Variants in CNTNAP4 observed in about 807,000 individuals in gnomAD.
CNTNAP4 encodes contactin associated protein family member 4, also known as contactin-associated protein-like 4.
In CNTNAP4, 98 loss-of-function variants were observed where a neutral mutation model predicts 148.4. The ratio of observed to expected loss-of-function variants is 0.66; its 90% CI spans 0.56 to 0.78. The LOEUF (loss-of-function observed/expected upper bound fraction) is 0.78, where lower values mean the gene tolerates loss of function less well. CNTNAP4 is among the 30% of genes least tolerant of loss of function. CNTNAP4 has a pLI of 0.00. For synonymous variants in CNTNAP4, 730 were observed against 565.1 expected (o/e 1.29, Z -4.14); for missense variants, 1,935 against 1,565.6 (o/e 1.24, Z -3.98).
At chr16:76,434,360 G>C (rs1597523161) in intron 4 of CNTNAP4, among the ~76,000 whole-genome samples, 1 of 152,122 alleles carries the variant, frequency 6.6e-6, no homozygotes, top group Non-Finnish European at 1.5e-5. Context: ...AATTGTTTCT[G>C]GTGAGCCTTA....
intron 17 of CNTNAP4, among the ~76,000 whole-genome samples, chr16:76,530,165 T>C (rs2083915451): frequency 6.6e-6 from 1 of 152,168 alleles, no homozygotes; most frequent in South Asian, 2.1e-4. Context: ...GTTAATAGTG[T>C]CTTTGAATGG....
chr16:76,342,757 G>A (rs1964582320), intron 2 of CNTNAP4, among the ~76,000 whole-genome samples: 1 of 152,044 alleles, frequency 6.6e-6, no homozygotes, highest in Non-Finnish European at 1.5e-5. Context: ...GTAAAATTCT[G>A]AACTCTGAAC....
At chr16:76,431,709 A>C (rs1025591336) in intron 4 of CNTNAP4, among the ~76,000 whole-genome samples, 3 of 152,140 alleles carry the variant, frequency 2.0e-5, no homozygotes, top group Admixed American at 6.5e-5. Flanking sequence ...GCAGATTCAA[A>C]ATATTCTTAG....
intron 2 of CNTNAP4, among the ~76,000 whole-genome samples, chr16:76,347,503 A>G (rs749674694): frequency 2.8e-5 from 4 of 143,888 alleles, no homozygotes; most frequent in Admixed American, 7.7e-5. Context: ...CATATGCTAT[A>G]TAAAAAAGAT....
chr16:76,393,513 C>G (rs1441117671), intron 3 of CNTNAP4, among the ~76,000 whole-genome samples: 1 of 152,230 alleles, frequency 6.6e-6, no homozygotes, highest in East Asian at 1.9e-4. Flanking sequence ...GAATGAGACA[C>G]AGTCCTGGGC....
chr16:76,493,182 G>C (rs1049252864), intron 13 of CNTNAP4, among the ~76,000 whole-genome samples: 1 of 152,120 alleles, frequency 6.6e-6, no homozygotes, highest in Non-Finnish European at 1.5e-5. Flanking sequence ...ATATAATGGG[G>C]TAGAACAGGA....
intron 10 of CNTNAP4, among the ~76,000 whole-genome samples, chr16:76,475,555 TTTC>T (rs752581421): frequency 2.2e-4 from 33 of 152,212 alleles, no homozygotes; most frequent in South Asian, 2.1e-4. Context: ...CCTTTTTTCT[TTTC>T]TTCTTTTATC....
At chr16:76,362,689 ATGGGAACATAGAG>A (rs1233430423) in intron 3 of CNTNAP4, among the ~76,000 whole-genome samples, 2 of 152,178 alleles carry the variant, frequency 1.3e-5, no homozygotes, top group African/African-American at 4.8e-5. Context: ...TCACTTATAA[ATGGGAACATAGAG>A]TGCATATGGA....
chr16:76,288,119 C>G (rs527523065), intron 1 of CNTNAP4, among the ~76,000 whole-genome samples: 2 of 152,150 alleles, frequency 1.3e-5, no homozygotes, highest in South Asian at 2.1e-4. Flanking sequence ...TGTCCCCATA[C>G]TGTTCTTGTT....
At chr16:76,496,552 A>G (rs1287654739) in intron 14 of CNTNAP4, among the ~76,000 whole-genome samples, 1 of 152,140 alleles carries the variant, frequency 6.6e-6, no homozygotes, top group Non-Finnish European at 1.5e-5. Context: ...GAAACTGCCC[A>G]TGTGTTTACA....
intron 21 of CNTNAP4, among the ~76,000 whole-genome samples, chr16:76,550,287 T>C (rs1386215595): frequency 6.6e-6 from 1 of 152,234 alleles, no homozygotes; most frequent in Non-Finnish European, 1.5e-5. Flanking sequence ...CTCTCTCCCT[T>C]TCCCTGCTAA....
At chr16:76,533,744 C>CA (rs1490290299) in intron 17 of CNTNAP4, among the ~76,000 whole-genome samples, 2 of 151,818 alleles carry the variant, frequency 1.3e-5, no homozygotes. Context: ...CCAGGCATTC[C>CA]AAAACTCTGT....
Position 76,498,671 on chromosome 16 carries a change from G to A in CNTNAP4, c.2342G>A (p.Gly781Glu). The A allele has an allele frequency of 1.9e-6, 3 of 1,610,908 alleles. No individual in the cohort carries two copies. Among genetic ancestry groups the A allele is most frequent in the Non-Finnish European group, 2.5e-6 (3 of 1,178,524 alleles). ...CATTCAGAAGCAGCTTATAAACTGG[G>A]GCCTCTGCTCTGCCAGGGAGACAGT... ...RLHSEAAYKL[G>E]PLLCQGDRSF... Residue 781 changes from glycine to glutamate, a missense_variant, in exon 15 of 24, where the codon GGG (glycine) becomes GAG (glutamate). Transcript: ENST00000611870.
At chr16:76,416,929 G>C (rs4583262) in intron 3 of CNTNAP4, among the ~76,000 whole-genome samples, 52,901 of 151,114 alleles carry the variant, frequency 0.35, 10,901 homozygotes, top group Non-Finnish European at 0.44. Flanking sequence ...TACCATCTTG[G>C]AAAATTGATC....
In CNTNAP4 at chr16:76,312,710, A is replaced by G. The variant is rs539779289; in HGVS notation, c.86-3703A>G. ...ATAATTATAGTCATGGTATTCTTAC[A>G]TAGTGGATTCTGGACCGCAACTCAC... On this transcript the variant is annotated intron_variant, in intron 1 of 23. Coordinates refer to ENST00000611870, the MANE Select transcript of CNTNAP4 (RefSeq NM_033401.5). 3.3e-5 allele frequency among the ~76,000 whole-genome samples: 5 copies of G among 152,200 alleles called. No individual in the cohort carries two copies. The East Asian group carries it at 7.7e-4, about 23-fold the overall frequency.
chr16:76,427,744 G>A, intron 4 of CNTNAP4, 145 bp downstream of exon 4: 1 of 617,448 alleles, frequency 1.6e-6, no homozygotes, highest in Non-Finnish European at 2.7e-6. Context: ...TTTTGTGCAT[G>A]CCTGTACATG....
intron 1 of CNTNAP4, among the ~76,000 whole-genome samples, chr16:76,304,629 T>C (rs745313332): frequency 2.0e-5 from 3 of 152,188 alleles, no homozygotes; most frequent in Non-Finnish European, 2.9e-5. Flanking sequence ...AAATTATACA[T>C]GTGGACTCCA....
At chr16:76,543,762 T>A (rs1453264026) in intron 21 of CNTNAP4, among the ~76,000 whole-genome samples, 1 of 152,190 alleles carries the variant, frequency 6.6e-6, no homozygotes, top group Non-Finnish European at 1.5e-5. Context: ...GGGCAGTCCT[T>A]GGGAATCATG....
chr16:76,501,971 A>G (rs1410929942), intron 15 of CNTNAP4, among the ~76,000 whole-genome samples: 2 of 151,558 alleles, frequency 1.3e-5, no homozygotes, highest in Non-Finnish European at 3.0e-5. Flanking sequence ...TGGGAGGCTG[A>G]GGCAGGAGAA....
Sources: gnomAD v4.1 joint callset for allele counts (sites outside exome capture counted in the v4.1 genomes callset) on GRCh38, gnomAD v4.1.1 for gene constraint, MANE v1.5 for transcripts, NCBI Gene and HGNC (gene_info 2026-07-23, HGNC 2026-07-21) for gene names.